Variants in SMAD3 observed in about 807,000 individuals in gnomAD.
SMAD3 encodes the protein MAD homolog 3.
SMAD3 carries 12 observed loss-of-function variants against 51.8 expected under a neutral mutation model. The observed-to-expected ratio is 0.23, with a 90% CI of 0.15 to 0.38. The LOEUF is 0.38. SMAD3 is among the 10% of genes least tolerant of loss of function. The probability of loss-of-function intolerance (pLI) is 1.00; values close to 1 mark genes in which losing one functional copy is unlikely to be tolerated. For synonymous variants in SMAD3, 238 were observed against 227.7 expected, an observed-to-expected ratio of 1.05 and a Z score of -0.41; for missense variants, 294 against 565.6, an observed-to-expected ratio of 0.52 and a Z score of 4.87.
intron 1 of SMAD3, among the ~76,000 whole-genome samples, chr15:67,086,280 C>A (rs1159061659): frequency 1.3e-5 from 2 of 152,150 alleles, no homozygotes; most frequent in Non-Finnish European, 2.9e-5. Flanking sequence ...CTCCCTGCTG[C>A]TTTGGTGAGA....
chr15:67,183,017 ATATATATATATATATTTTTTT>A (rs1963118232), intron 6 of SMAD3, among the ~76,000 whole-genome samples: 4 of 73,506 alleles, frequency 5.4e-5, no homozygotes, highest in Admixed American at 4.9e-4. Context: ...ATATATATAT[ATATATATATATATATTTTTTT>A]TTTTTTTTTT....
At chr15:67,136,624 C>A (rs1263937085) in intron 1 of SMAD3, among the ~76,000 whole-genome samples, 1 of 152,222 alleles carries the variant, frequency 6.6e-6, no homozygotes. Context: ...AGCCACTGCA[C>A]CCGGCCCAGA....
At chr15:67,138,199 G>T (rs1014527785) in intron 1 of SMAD3, 21 of 931,350 alleles carry the variant, frequency 2.3e-5, no homozygotes, top group Non-Finnish European at 3.4e-5. Context: ...GAGTTTCTCC[G>T]GGCTTCTCTT....
intron 1 of SMAD3, among the ~76,000 whole-genome samples, chr15:67,150,725 A>G (rs1962108135): frequency 1.3e-5 from 2 of 150,600 alleles, no homozygotes; most frequent in Non-Finnish European, 3.0e-5. Flanking sequence ...AAGTTGAACT[A>G]ATAGTGAGGT....
At chr15:67,159,660 A>G (rs1330923515) in intron 1 of SMAD3, among the ~76,000 whole-genome samples, 1 of 130,984 alleles carries the variant, frequency 7.6e-6, no homozygotes, top group Non-Finnish European at 1.6e-5. Context: ...GCTCCCTCCA[A>G]TCCCTACTCC....
chr15:67,183,025 ATATATATTTT>A (rs1567000821), intron 6 of SMAD3, among the ~76,000 whole-genome samples: 17 of 69,600 alleles, frequency 2.4e-4, no homozygotes, highest in Admixed American at 1.3e-3. Context: ...ATATATATAT[ATATATATTTT>A]TTTTTTTTTT....
At chr15:67,090,081 C>T (rs1400919854) in intron 1 of SMAD3, among the ~76,000 whole-genome samples, 1 of 152,152 alleles carries the variant, frequency 6.6e-6, no homozygotes, top group African/African-American at 2.4e-5. Flanking sequence ...GGAGGCACAC[C>T]CAGGCCGAGT....
chr15:67,089,590 A>G (rs1419680026), intron 1 of SMAD3, among the ~76,000 whole-genome samples: 1 of 152,160 alleles, frequency 6.6e-6, no homozygotes, highest in Non-Finnish European at 1.5e-5. Flanking sequence ...GTTGCCTCAG[A>G]AAAAAATGCC....
In SMAD3 at chr15:67,157,403, A is replaced by T. The variant is rs1220148696; in HGVS notation, c.207-7492A>T. Among the ~76,000 whole-genome samples, 7 of 152,212 alleles carry T rather than the reference A, an allele frequency of 4.6e-5. No individual in the cohort carries two copies. The East Asian group carries it at 9.6e-4, about 21-fold the overall frequency. On this transcript the variant is annotated intron_variant, in intron 1 of 8. Transcript: ENST00000327367. ...TCCAACCTGCCCCTATCTCCCATGT[A>T]TCAGCCCTGGTCTGGGTTTGAATCC...
intron 1 of SMAD3, among the ~76,000 whole-genome samples, chr15:67,083,957 T>C (rs186277216): frequency 3.4e-4 from 52 of 152,242 alleles, no homozygotes; most frequent in African/African-American, 1.2e-3. Flanking sequence ...TTTATGACTT[T>C]GGGGAAGTCA....
At chr15:67,138,753 C>T (rs1467265097) in intron 1 of SMAD3, among the ~76,000 whole-genome samples, 1 of 152,170 alleles carries the variant, frequency 6.6e-6, no homozygotes, top group East Asian at 1.9e-4. Context: ...GCAGCTTTAA[C>T]CAAAAAGTCC....
At chr15:67,108,513 C>T (rs1960931799) in intron 1 of SMAD3, among the ~76,000 whole-genome samples, 1 of 152,320 alleles carries the variant, frequency 6.6e-6, no homozygotes, top group South Asian at 2.1e-4. Context: ...GATGCCCCCT[C>T]CTCCTGGCCA....
intron 7 of SMAD3, among the ~76,000 whole-genome samples, chr15:67,185,101 G>A (rs1595960738): frequency 1.3e-5 from 2 of 152,346 alleles, no homozygotes; most frequent in East Asian, 1.9e-4. Flanking sequence ...GTACCTGCCT[G>A]TTGCCCTGTG....
chr15:67,117,347 C>T (rs1375350705), intron 1 of SMAD3, among the ~76,000 whole-genome samples: 1 of 152,146 alleles, frequency 6.6e-6, no homozygotes, highest in African/African-American at 2.4e-5. Context: ...TGGTTTTGTT[C>T]TGTTAGGATA....
chr15:67,111,553 T>TA (rs1961014525), intron 1 of SMAD3, among the ~76,000 whole-genome samples: 1 of 152,236 alleles, frequency 6.6e-6, no homozygotes, highest in Non-Finnish European at 1.5e-5. Context: ...TTTACCTTTT[T>TA]GAGAAACTGC....
intron 1 of SMAD3, among the ~76,000 whole-genome samples, chr15:67,163,944 TAA>T (rs57803788): frequency 2.0e-3 from 176 of 87,874 alleles, no homozygotes; most frequent in Middle Eastern, 9.8e-3. Context: ...GTATCAAAAG[TAA>T]AAAAAAAAAA....
intron 5 of SMAD3, among the ~76,000 whole-genome samples, chr15:67,178,887 C>G (rs757257022): frequency 3.3e-5 from 5 of 152,118 alleles, no homozygotes; most frequent in Admixed American, 6.5e-5. Context: ...ACTTTTGATG[C>G]CTTCATCCTT....
intron 5 of SMAD3, among the ~76,000 whole-genome samples, chr15:67,180,494 C>T (rs1431177117): frequency 6.6e-6 from 1 of 150,538 alleles, no homozygotes; most frequent in Non-Finnish European, 1.5e-5. Flanking sequence ...GGGACAAATA[C>T]AGATTTTCTT....
intron 1 of SMAD3, among the ~76,000 whole-genome samples, chr15:67,097,200 GTTTT>G (rs1169061340): frequency 6.6e-6 from 1 of 151,430 alleles, no homozygotes; most frequent in Non-Finnish European, 1.5e-5. Flanking sequence ...TTTTTTTGTG[GTTTT>G]TTTTGTTTGT....
Sources: allele counts gnomAD v4.1 joint callset (sites outside exome capture counted in the v4.1 genomes callset), GRCh38; gene constraint gnomAD v4.1.1; transcripts MANE v1.5; gene names NCBI Gene and HGNC (gene_info 2026-07-23, HGNC 2026-07-21).